Variants in NKD1 observed in about 807,000 individuals in gnomAD.
NKD1 encodes the protein NKD inhibitor of Wnt signaling pathway 1.
A neutral mutation model predicts 56.0 loss-of-function variants in NKD1; 21 were observed. The ratio of observed to expected loss-of-function variants is 0.38; its 90% CI spans 0.27 to 0.54. The LOEUF is 0.54. Among genes scored for constraint, NKD1 ranks in the 20% least tolerant of loss-of-function variants. The pLI is 0.82. For synonymous variants in NKD1, 263 were observed against 265.7 expected (o/e 0.99, Z 0.10); for missense variants, 578 against 642.7 (o/e 0.90, Z 1.09).
intron 3 of NKD1, among the ~76,000 whole-genome samples, chr16:50,568,170 G>C (rs2151265894): frequency 1.3e-5 from 2 of 152,312 alleles, no homozygotes; most frequent in Middle Eastern, 6.8e-3. Flanking sequence ...GCTTGCGAAG[G>C]CCTGGGGGGC....
chr16:50,569,995 G>A (rs1029241296), intron 3 of NKD1, among the ~76,000 whole-genome samples: 2 of 152,148 alleles, frequency 1.3e-5, no homozygotes, highest in Admixed American at 6.5e-5. Flanking sequence ...GCCACTGAAC[G>A]TTTGAAATAG....
At position 50,633,514 on chromosome 16, in the gene NKD1, C is replaced by T. The variant is rs1377615557; in HGVS notation, c.1146C>T (p.Ala382=). The change falls in exon 10 of 10, where the codon GCC becomes GCT. Residue 382 remains alanine, a synonymous_variant. Transcript: ENST00000268459. This position sits in a 1 kb window ranked among gnomAD's most constrained non-coding sequence, Gnocchi z 4.9. ...CCATCCCTGCGGTGTCCCCCTCCGC[C>T]CACCTGGCTGCCAGCCCGGCCCTCC... ...GPAIPAVSPS[A]HLAASPALLP... 1 of 1,610,854 alleles carries T rather than the reference C, an allele frequency of 6.2e-7. No individual in the cohort carries two copies. Among genetic ancestry groups the T allele is most frequent in the Non-Finnish European group, 8.5e-7 (1 of 1,178,896 alleles).
chr16:50,614,923 GC>G (rs527523344), intron 4 of NKD1, among the ~76,000 whole-genome samples: 9 of 152,172 alleles, frequency 5.9e-5, no homozygotes, highest in Non-Finnish European at 1.2e-4. Flanking sequence ...CAGAAGCCTA[GC>G]TTCATTAGCT....
At position 50,642,390 on chromosome 16, in the gene NKD1, G is replaced by A. The variant is rs770242333; in HGVS notation, c.*8609G>A. 6.6e-6 allele frequency: 1 copy of A among 152,306 alleles called. No individual in the cohort carries two copies. The highest frequency in any genetic ancestry group is 1.5e-5 in the Non-Finnish European group (1 of 68,080). 9.4% of individuals were successfully genotyped at this position (152,306 alleles called of 1,614,324 possible). ...GCACTTGGCTTCATGGATAGAGTCTGAGAAGGTTGCAGGATCCAGTAGCTG... is the reference window on the plus strand; with the variant it reads ...GCACTTGGCTTCATGGATAGAGTCTAAGAAGGTTGCAGGATCCAGTAGCTG... On this transcript the variant is annotated 3_prime_UTR_variant, in exon 10 of 10. Transcript: ENST00000268459.
At chr16:50,603,001 C>T (rs940845781) in intron 3 of NKD1, among the ~76,000 whole-genome samples, 3 of 152,298 alleles carry the variant, frequency 2.0e-5, no homozygotes, top group East Asian at 1.9e-4. Context: ...GGCACTGGCT[C>T]GCCAGGCATT....
chr16:50,605,757 GT>G (rs1961693064), intron 3 of NKD1, among the ~76,000 whole-genome samples: 1 of 152,192 alleles, frequency 6.6e-6, no homozygotes, highest in African/African-American at 2.4e-5. Flanking sequence ...GCCTCAGGGA[GT>G]TTTGGAACCA....
chr16:50,598,015 GACAGGATGGTCCAGGGCTGGGAGGCTCC>G lies in NKD1; in HGVS notation c.193-10277_193-10250del, dbSNP rs1199180748. Among the ~76,000 whole-genome samples the G allele has an allele frequency of 6.6e-6, 1 of 152,178 alleles. No homozygotes were observed. Among genetic ancestry groups the G allele is most frequent in the Non-Finnish European group, 1.5e-5 (1 of 68,034 alleles). ...GGAGGAGGGCGCTCCGGGTGAAGGG[GACAGGATGGTCCAGGGCTGGGAGGCTCC>G]AAGTGGGCGGTCTGGCCTGTGAGAG... On this transcript the variant is annotated intron_variant, in intron 3 of 9. Coordinates refer to ENST00000268459, the MANE Select transcript of NKD1 (RefSeq NM_033119.5). This position sits in a 1 kb window ranked among gnomAD's most constrained non-coding sequence, Gnocchi z 4.2.
chr16:50,591,513 T>C (rs1016569811), intron 3 of NKD1, among the ~76,000 whole-genome samples: 6 of 152,208 alleles, frequency 3.9e-5, no homozygotes, highest in Non-Finnish European at 7.3e-5. Context: ...CCTGGCTGAA[T>C]TGGCCCTCTC....
At chr16:50,604,755 A>G (rs771754216) in intron 3 of NKD1, among the ~76,000 whole-genome samples, 1 of 152,184 alleles carries the variant, frequency 6.6e-6, no homozygotes, top group Non-Finnish European at 1.5e-5. Context: ...GAAGTTCTGA[A>G]TATGTCTCCT....
intron 3 of NKD1, among the ~76,000 whole-genome samples, chr16:50,568,331 C>T (rs1960807552): frequency 6.6e-6 from 1 of 152,180 alleles, no homozygotes; most frequent in South Asian, 2.1e-4. Context: ...GGGGAAGAAA[C>T]TGAGAGTGGT....
chr16:50,616,042 C>T (rs1049216772), intron 4 of NKD1: 6 of 455,230 alleles, frequency 1.3e-5, no homozygotes, highest in South Asian at 7.8e-5. Context: ...TGCATTCCCT[C>T]GAACAGCTGC....
chr16:50,621,498 G>C, intron 4 of NKD1, 104 bp from the exon 5 acceptor site: 2 of 749,400 alleles, frequency 2.7e-6, no homozygotes, highest in East Asian at 5.6e-5. Flanking sequence ...CCAGCCCCCT[G>C]GCGAGAATGT....
intron 4 of NKD1, among the ~76,000 whole-genome samples, chr16:50,612,613 G>A (rs1227642981): frequency 6.6e-6 from 1 of 152,210 alleles, no homozygotes; most frequent in East Asian, 1.9e-4. Flanking sequence ...AGAGTGAGGA[G>A]GCTTTTCTGA....
chr16:50,585,554 C>A (rs550676837), intron 3 of NKD1, among the ~76,000 whole-genome samples: 14 of 152,348 alleles, frequency 9.2e-5, no homozygotes, highest in African/African-American at 3.4e-4. Context: ...GGCCTGACTT[C>A]TGAGGCCGTG....
At chr16:50,561,241 T>G (rs1960625880) in intron 3 of NKD1, among the ~76,000 whole-genome samples, 1 of 152,030 alleles carries the variant, frequency 6.6e-6, no homozygotes, top group Admixed American at 6.5e-5. Context: ...GGCTCAGTCA[T>G]CAGGGGTTGG....
chr16:50,583,292 A>G (rs1961158478), intron 3 of NKD1, among the ~76,000 whole-genome samples: 1 of 152,190 alleles, frequency 6.6e-6, no homozygotes, highest in South Asian at 2.1e-4. Flanking sequence ...AGGTCCAGCT[A>G]CCTTGCTGGA....
intron 6 of NKD1, among the ~76,000 whole-genome samples, chr16:50,628,683 C>T (rs1391301355): frequency 6.6e-6 from 1 of 152,148 alleles, no homozygotes; most frequent in Non-Finnish European, 1.5e-5. Context: ...TGAGGGGTAC[C>T]TGAGGCTCGG....
intron 3 of NKD1, among the ~76,000 whole-genome samples, chr16:50,591,608 A>C (rs1961368883): frequency 6.6e-6 from 1 of 152,170 alleles, no homozygotes; most frequent in African/African-American, 2.4e-5. Flanking sequence ...TGTACAGATG[A>C]GGAAACTGAG....
At position 50,574,671 on chromosome 16, in the gene NKD1, C is replaced by A. The variant is rs77673571; in HGVS notation, c.192+25116C>A. ...CAGGAGCCAGGGGGTCCCCTCCCCA[C>A]CTCCTTGCCTCGTTGTCGTCCCAGG... On this transcript the variant is annotated intron_variant, in intron 3 of 9. Transcript: ENST00000268459. The A allele has an allele frequency of 1.9e-3, 1,830 of 985,410 alleles. 22 individuals are homozygous for A. In the African/African-American group the frequency reaches 0.03, roughly 16 times the overall value. 61.0% of individuals were successfully genotyped at this position (985,410 alleles called of 1,614,324 possible). A position where few individuals can be genotyped will look rare whatever the true frequency, so the allele number is the denominator to read the frequency against.
Sources: gnomAD v4.1 joint callset for allele counts (sites outside exome capture counted in the v4.1 genomes callset) on GRCh38, gnomAD v4.1.1 for gene constraint, Gnocchi (gnomAD v3.1) non-coding constraint, MANE v1.5 for transcripts, NCBI Gene and HGNC (gene_info 2026-07-23, HGNC 2026-07-21) for gene names.